Variants in SEMA5B observed in about 807,000 individuals in gnomAD.
The protein encoded by SEMA5B is semaphorin 5B, also known as semaphorin-5B.
A neutral mutation model predicts 135.0 loss-of-function variants in SEMA5B; 66 were observed. The ratio of observed to expected loss-of-function variants is 0.49; its 90% confidence interval spans 0.40 to 0.60. SEMA5B has a LOEUF of 0.60. Among genes scored for constraint, SEMA5B ranks in the 20% least tolerant of loss-of-function variants. The pLI is 0.00. For synonymous variants in SEMA5B, 690 were observed against 639.5 expected, an observed-to-expected ratio of 1.08 and a Z score of -1.19; for missense variants, 1,501 against 1,566.3, an observed-to-expected ratio of 0.96 and a Z score of 0.70.
intron 12 of SEMA5B, 40 bp from the exon 13 acceptor site, chr3:122,915,930 C>T (rs1179107000): frequency 6.8e-7 from 1 of 1,481,226 alleles, no homozygotes. Context: ...CCACTGGCTT[C>T]CCAGCCTCAC....
At chr3:122,998,856 A>C (rs1357398706) in intron 1 of SEMA5B, among the ~76,000 whole-genome samples, 1 of 152,210 alleles carries the variant, frequency 6.6e-6, no homozygotes, top group Non-Finnish European at 1.5e-5. Flanking sequence ...TTCCCACTAA[A>C]CTCTCATTAA....
chr3:122,981,415 G>C (rs986927724), intron 1 of SEMA5B, among the ~76,000 whole-genome samples: 3 of 152,254 alleles, frequency 2.0e-5, no homozygotes, highest in Admixed American at 2.0e-4. Flanking sequence ...TTCATGTGTG[G>C]CCAGGCGAAT....
Position 122,912,856 on chromosome 3 carries a change from G to A in SEMA5B, c.2712C>T (p.Pro904=), listed in dbSNP as rs1246694244. 6.3e-7 allele frequency: 1 copy of A among 1,587,650 alleles called. No homozygotes were observed. Among genetic ancestry groups the A allele is most frequent in the Admixed American group, 1.8e-5 (1 of 57,088 alleles). ...GDAAEYQDCN[P]QACPVRGAWS... is the part of the protein sequence containing the mutation. ...GTGCAGGGTTACCTGGGCAAGCCTG[G>A]GGGTTGCAGTCCTGGTACTCGGCAG... The change falls in exon 18 of 23, where the codon CCC becomes CCT. Residue 904 remains proline, a synonymous_variant. Coordinates refer to ENST00000357599, the MANE Select transcript of SEMA5B (RefSeq NM_001031702.4).
intron 1 of SEMA5B, among the ~76,000 whole-genome samples, chr3:122,963,499 AAAAAAG>A (rs1553778090): frequency 9.5e-4 from 144 of 151,624 alleles, no homozygotes; most frequent in Non-Finnish European, 1.1e-3. Context: ...ACTCAAAAAA[AAAAAAG>A]AAAAAGAAAA....
intron 1 of SEMA5B, among the ~76,000 whole-genome samples, chr3:122,975,685 T>C (rs1238386556): frequency 6.6e-6 from 1 of 152,170 alleles, no homozygotes; most frequent in Non-Finnish European, 1.5e-5. Context: ...TATGCAGACC[T>C]TCCATCTCTC....
intron 1 of SEMA5B, among the ~76,000 whole-genome samples, chr3:123,019,789 T>A (rs184465996): frequency 6.6e-6 from 1 of 151,660 alleles, no homozygotes; most frequent in Non-Finnish European, 1.5e-5. Flanking sequence ...GCTGAGCAGG[T>A]GAAAGGAAAA....
At chr3:122,949,379 A>G (rs575446960) in intron 2 of SEMA5B, among the ~76,000 whole-genome samples, 1 of 152,382 alleles carries the variant, frequency 6.6e-6, no homozygotes, top group Admixed American at 6.5e-5. Flanking sequence ...TATATAAAGA[A>G]CTGAAACTGC....
intron 4 of SEMA5B, among the ~76,000 whole-genome samples, chr3:122,941,889 T>C (rs73856755): frequency 0.029 from 4,414 of 152,310 alleles, 210 homozygotes; most frequent in African/African-American, 0.1. Flanking sequence ...TACAACTGTG[T>C]GTAAATCGAC....
At chr3:122,960,270 A>G (rs748785777) in intron 2 of SEMA5B, among the ~76,000 whole-genome samples, 3 of 152,202 alleles carry the variant, frequency 2.0e-5, no homozygotes, top group Non-Finnish European at 4.4e-5. Flanking sequence ...TCTGTAATTC[A>G]AAGAGCTCCT....
intron 1 of SEMA5B, among the ~76,000 whole-genome samples, chr3:122,987,612 C>T (rs1031254669): frequency 6.6e-6 from 1 of 152,178 alleles, no homozygotes; most frequent in African/African-American, 2.4e-5. Context: ...TCGGAAAGGG[C>T]AGGAGTGTTT....
In SEMA5B at chr3:122,913,443, G is replaced by A; in HGVS notation, c.2281-19C>T. The A allele has an allele frequency of 5.8e-6, 9 of 1,559,388 alleles. No individual in the cohort carries two copies. In the South Asian group the frequency reaches 1.1e-4, roughly 18 times the overall value. On this transcript the variant is annotated intron_variant, in intron 16 of 22. Transcript: ENST00000357599. ...TGAACTCCTGCGGGTGGCGGCAGAG[G>A]CAGCTTTAGAACCCCACGGCCTCCA...
chr3:122,921,923 G>T lies in SEMA5B; in HGVS notation c.1680C>A (p.Arg560=). ...GCCCCGTCCCGGCTTACCCCTGGCT[G>T]CGGTAGGCGGCGCACCTCTCCAGTG... is the stretch of plus-strand genomic sequence containing the variant. The part of the protein sequence containing the change: ...RVPLERCAAY[R]SQGACLGARD... Residue 560 remains arginine (R), a synonymous_variant, in exon 12 of 23, where the codon CGC becomes CGA. Coordinates refer to ENST00000357599, the MANE Select transcript of SEMA5B (RefSeq NM_001031702.4). 1 of 1,532,896 alleles carries T rather than the reference G, an allele frequency of 6.5e-7. No homozygotes were observed. The highest frequency in any genetic ancestry group is 8.7e-7 in the Non-Finnish European group (1 of 1,145,094). 95.0% of individuals were successfully genotyped at this position (1,532,896 alleles called of 1,614,324 possible).
chr3:122,915,675 A>G, intron 13 of SEMA5B, 54 bp from the exon 14 acceptor site: 8 of 1,600,542 alleles, frequency 5.0e-6, no homozygotes, highest in Non-Finnish European at 6.8e-6. Flanking sequence ...AGGGCAGGGA[A>G]GTCATAAGAT....
intron 9 of SEMA5B, 36 bp from the exon 10 acceptor site, chr3:122,923,788 T>A: frequency 1.2e-6 from 2 of 1,612,844 alleles, no homozygotes; most frequent in Non-Finnish European, 1.7e-6. Context: ...GGGCCCTCCC[T>A]GTAAGACCTG....
chr3:122,997,518 T>TCTCCCCCCCC (rs764169923), intron 1 of SEMA5B, among the ~76,000 whole-genome samples: 5 of 142,866 alleles, frequency 3.5e-5, no homozygotes, highest in African/African-American at 1.3e-4. Flanking sequence ...CCCAGGCCTC[T>TCTCCCCCCCC]CCCCCCCCCG....
At chr3:122,966,856 CCTATTA>C (rs546202098) in intron 1 of SEMA5B, among the ~76,000 whole-genome samples, 4,185 of 99,852 alleles carry the variant, frequency 0.042, 141 homozygotes, top group African/African-American at 0.11. Flanking sequence ...CCACACCCGG[CCTATTA>C]CTATTATTAT....
At chr3:122,928,263 A>G (rs1288783651) in intron 7 of SEMA5B, among the ~76,000 whole-genome samples, 2 of 152,232 alleles carry the variant, frequency 1.3e-5, no homozygotes, top group Non-Finnish European at 2.9e-5. Flanking sequence ...CAGAAGGCCC[A>G]GCTCAATTTG....
Position 122,915,865 on chromosome 3 carries a change from A to G in SEMA5B, c.1714T>C (p.Tyr572His). ...QGACLGARDP[Y>H]CGWDGKQQRC... ...TGCTGCTTCCCGTCCCAGCCACAGT[A>G]CGGGTCCCGGGCCCCCAGGCATGCC... Residue 572 changes from tyrosine (Y) to histidine (H), a missense_variant, in exon 13 of 23, where the codon TAC becomes CAC. Physicochemically the swap from Tyr to His is moderately conservative, Grantham distance 83. This residue lies in a region of SEMA5B where 927 missense variants were observed against 881.6 expected (regional missense o/e 1.05). Coordinates refer to ENST00000357599, the MANE Select transcript of SEMA5B (RefSeq NM_001031702.4). 1 of 1,613,854 alleles carries G rather than the reference A, an allele frequency of 6.2e-7. No individual in the cohort carries two copies. The highest frequency in any genetic ancestry group is 8.5e-7 in the Non-Finnish European group (1 of 1,179,930).
intron 1 of SEMA5B, among the ~76,000 whole-genome samples, chr3:123,013,235 G>A (rs1372015175): frequency 6.6e-6 from 1 of 152,192 alleles, no homozygotes; most frequent in Non-Finnish European, 1.5e-5. Flanking sequence ...TGGGGGTGCT[G>A]TGAGGAATTT....
Sources: allele counts gnomAD v4.1 joint callset (sites outside exome capture counted in the v4.1 genomes callset), GRCh38; gene constraint gnomAD v4.1.1; regional missense constraint gnomAD v4.1.1; transcripts MANE v1.5; gene names NCBI Gene and HGNC (gene_info 2026-07-23, HGNC 2026-07-21).